The following R3HCC1L variants were observed in gnomAD, a reference collection of about 807,000 sequenced individuals.
R3HCC1L encodes the protein R3H domain and coiled-coil containing 1 like.
A neutral mutation model predicts 59.9 loss-of-function variants in R3HCC1L; 51 were observed. That is an observed-to-expected ratio of 0.85 (90% CI 0.68 to 1.07). The LOEUF (loss-of-function observed/expected upper bound fraction) is 1.07, where lower values mean the gene tolerates loss of function less well. Among genes scored for constraint, R3HCC1L ranks in the 50% least tolerant of loss-of-function variants. The pLI, the probability that R3HCC1L is intolerant of heterozygous loss-of-function variation, is 0.00. For synonymous variants in R3HCC1L, 322 were observed against 315.2 expected (o/e 1.02, Z -0.23); for missense variants, 965 against 933.0 (o/e 1.03, Z -0.45).
At chr10:98,159,971 A>G (rs894264961) in intron 2 of R3HCC1L, among the ~76,000 whole-genome samples, 1 of 152,220 alleles carries the variant, frequency 6.6e-6, no homozygotes, top group African/African-American at 2.4e-5. Flanking sequence ...GTGTGCACAC[A>G]CTAGTACATC....
At chr10:98,198,189 A>C (rs1360477654) in intron 4 of R3HCC1L, among the ~76,000 whole-genome samples, 1 of 152,082 alleles carries the variant, frequency 6.6e-6, no homozygotes, top group Non-Finnish European at 1.5e-5. Flanking sequence ...AGAGGAGAGC[A>C]GTGAATTTTT....
chr10:98,149,122 A>G (rs901993191), intron 1 of R3HCC1L, among the ~76,000 whole-genome samples: 9 of 152,016 alleles, frequency 5.9e-5, no homozygotes, highest in Admixed American at 3.9e-4. Context: ...GAATTTATCC[A>G]TTTCTTCCAG....
At chr10:98,154,182 C>CAAAAAAAAAAA (rs61379048) in intron 1 of R3HCC1L, among the ~76,000 whole-genome samples, 10 of 92,806 alleles carry the variant, frequency 1.1e-4, no homozygotes, top group East Asian at 3.2e-4. Context: ...AGAGAATAAG[C>CAAAAAAAAAAA]AAAAAAAAAA....
intron 4 of R3HCC1L, among the ~76,000 whole-genome samples, chr10:98,189,017 A>G (rs1290101395): frequency 2.6e-5 from 4 of 152,212 alleles, no homozygotes; most frequent in African/African-American, 7.2e-5. Flanking sequence ...ATAAGATCTG[A>G]TAAGTGGCCA....
chr10:98,181,432 T>C (rs1362785576), intron 4 of R3HCC1L, among the ~76,000 whole-genome samples: 2 of 152,226 alleles, frequency 1.3e-5, no homozygotes, highest in African/African-American at 4.8e-5. Flanking sequence ...CCGACCTTTC[T>C]CTTGACTGCC....
chr10:98,215,009 C>A (rs532714713), intron 5 of R3HCC1L, among the ~76,000 whole-genome samples: 1 of 152,274 alleles, frequency 6.6e-6, no homozygotes, highest in East Asian at 1.9e-4. Flanking sequence ...AAAGTAAGTT[C>A]ATGCCAGAGT....
intron 4 of R3HCC1L, among the ~76,000 whole-genome samples, chr10:98,190,813 C>G (rs1437116211): frequency 6.6e-6 from 1 of 150,458 alleles, no homozygotes; most frequent in Non-Finnish European, 1.5e-5. Flanking sequence ...AGTCCCCCAC[C>G]CCCCGACAGG....
At position 98,161,949 on chromosome 10, in the gene R3HCC1L, A is replaced by G. The variant is rs564715817; in HGVS notation, c.-212-934A>G. Among the ~76,000 whole-genome samples the G allele has an allele frequency of 7.1e-4, 108 of 152,302 alleles. 2 individuals carry two copies. The South Asian group carries it at 0.022, about 31-fold the overall frequency. On this transcript the variant is annotated intron_variant, in intron 2 of 9. Coordinates refer to ENST00000298999, the MANE Select transcript of R3HCC1L (RefSeq NM_001351015.2). ...TATTGGGGTTATGTTAAATTTATAA[A>G]TTAACATGGAAGACTGACTTTTTAA...
chr10:98,238,097 A>G (rs772946428), intron 9 of R3HCC1L, among the ~76,000 whole-genome samples: 1 of 152,214 alleles, frequency 6.6e-6, no homozygotes, highest in Non-Finnish European at 1.5e-5. Flanking sequence ...TCCTGTTTCT[A>G]TAGGCCTATA....
chr10:98,141,577 G>T (rs1845141118), intron 1 of R3HCC1L, among the ~76,000 whole-genome samples: 2 of 152,292 alleles, frequency 1.3e-5, no homozygotes, highest in South Asian at 2.1e-4. Flanking sequence ...GACAGTTTCT[G>T]CACAGATGGC....
Position 98,208,248 on chromosome 10 carries a change from CTG to C in R3HCC1L, c.137_138del (p.Val46GlyfsTer17), listed in dbSNP as rs749891945. On this transcript the variant is annotated frameshift_variant, in exon 5 of 10. Coordinates refer to ENST00000298999, the MANE Select transcript of R3HCC1L (RefSeq NM_001351015.2). LOFTEE classifies it high-confidence loss of function. ...GAAGAAAGCTGTGGTTCACCTAACT[CTG>C]TGGTGAAAGAAAAGCAAAAAGAAAG... The C allele has an allele frequency of 3.1e-6, 5 of 1,614,020 alleles. No individual in the cohort carries two copies. In the South Asian group the frequency reaches 4.4e-5, roughly 14 times the overall value.
chr10:98,237,374 T>G (rs1857075359), intron 9 of R3HCC1L, among the ~76,000 whole-genome samples: 1 of 152,222 alleles, frequency 6.6e-6, no homozygotes, highest in African/African-American at 2.4e-5. Context: ...AACAGTGATA[T>G]CTATAAAAGG....
intron 1 of R3HCC1L, among the ~76,000 whole-genome samples, chr10:98,150,985 T>C (rs2133997194): frequency 6.6e-6 from 1 of 152,260 alleles, no homozygotes; most frequent in African/African-American, 2.4e-5. Context: ...GGGGGGAAAT[T>C]TTCTGCATTC....
At chr10:98,240,766 C>T (rs1007767883) in intron 9 of R3HCC1L, among the ~76,000 whole-genome samples, 2 of 151,334 alleles carry the variant, frequency 1.3e-5, no homozygotes, top group African/African-American at 2.4e-5. Flanking sequence ...CGTTTTTTCT[C>T]CCCTGATGTC....
At chr10:98,159,521 A>G (rs980737259) in intron 2 of R3HCC1L, among the ~76,000 whole-genome samples, 1 of 152,230 alleles carries the variant, frequency 6.6e-6, no homozygotes, top group African/African-American at 2.4e-5. Flanking sequence ...TAATTTTAGT[A>G]TCCATTTGTT....
Position 98,202,005 on chromosome 10 carries a change from T to C in R3HCC1L, c.-14-6096T>C, listed in dbSNP as rs139977549. ...CAGCCTTGAACTCGTGGCCTCAAGC[T>C]GTCCTCCCACCTCAGCCTTCCAAGA... On this transcript the variant is annotated intron_variant, in intron 4 of 9. Transcript: ENST00000298999. Among the ~76,000 whole-genome samples the C allele has an allele frequency of 4.3e-3, 647 of 152,124 alleles. 4 individuals carry two copies. The highest frequency in any genetic ancestry group is 0.01 in the Middle Eastern group (3 of 294).
chr10:98,136,457 C>G (rs1844591882), intron 1 of R3HCC1L, among the ~76,000 whole-genome samples: 1 of 152,064 alleles, frequency 6.6e-6, no homozygotes, highest in Non-Finnish European at 1.5e-5. Context: ...GATGGGACCC[C>G]AATCTAAACA....
intron 4 of R3HCC1L, among the ~76,000 whole-genome samples, chr10:98,207,027 G>T (rs937419812): frequency 4.6e-5 from 7 of 152,222 alleles, no homozygotes; most frequent in African/African-American, 1.4e-4. Context: ...CATCAAGGAA[G>T]TATTCTGGAC....
In R3HCC1L at chr10:98,163,350, G is replaced by A. The variant is rs557908110; in HGVS notation, c.-62G>A. The A allele has an allele frequency of 2.2e-5, 28 of 1,298,642 alleles. No individual in the cohort carries two copies. The African/African-American group carries it at 3.6e-4, about 17-fold the overall frequency. The allele number at this position is 1,298,642 out of a possible 1,614,324, so 80.4% of individuals were successfully genotyped here. ...AGTTTGCCTTCAGAGACAGTCTATC[G>A]GCATGTTGTAGAGTTTTATTACTAA... On this transcript the variant is annotated 5_prime_UTR_variant, in exon 4 of 10. Transcript: ENST00000298999.
Sources: gnomAD v4.1 joint callset for allele counts (sites outside exome capture counted in the v4.1 genomes callset) on GRCh38, gnomAD v4.1.1 for gene constraint, MANE v1.5 for transcripts, NCBI Gene and HGNC (gene_info 2026-07-23, HGNC 2026-07-21) for gene names.